TSPAN33: variants seen among roughly 807,000 people sequenced by gnomAD.
TSPAN33 encodes tetraspanin-33.
In TSPAN33, 27 loss-of-function variants were observed where a neutral mutation model predicts 34.8. The observed-to-expected ratio is 0.78, with a 90% CI of 0.57 to 1.07. TSPAN33 has a LOEUF of 1.07. TSPAN33 is among the 50% of genes least tolerant of loss of function. The pLI is 0.00. For synonymous variants in TSPAN33, 119 were observed against 124.2 expected (o/e 0.96, Z 0.28); for missense variants, 272 against 324.9 (o/e 0.84, Z 1.25).
chr7:129,160,545 G>T (rs1410030034), intron 1 of TSPAN33, among the ~76,000 whole-genome samples: 1 of 152,194 alleles, frequency 6.6e-6, no homozygotes, highest in Non-Finnish European at 1.5e-5. Context: ...TCTCCTATTA[G>T]TCTCTGATGG....
At chr7:129,150,730 C>T (rs1304356730) in intron 1 of TSPAN33, among the ~76,000 whole-genome samples, 1 of 152,126 alleles carries the variant, frequency 6.6e-6, no homozygotes, top group African/African-American at 2.4e-5. Context: ...ACAAAAAGTA[C>T]TGCCACTGCT....
rs1259089842 is a variant in TSPAN33, at chr7:129,144,789, T to C, written c.-192T>C. 6.7e-6 allele frequency: 1 copy of C among 148,552 alleles called. No homozygotes were observed. Among genetic ancestry groups the C allele is most frequent in the South Asian group, 2.1e-4 (1 of 4,750 alleles). 9.2% of individuals were successfully genotyped at this position (148,552 alleles called of 1,614,324 possible). ...CGCTGCCCACCGCGGCTCCAGCAGC[T>C]CCAGGCGCGGTTCCCCGGCCCGCGC... On this transcript the variant is annotated 5_prime_UTR_variant, in exon 1 of 8. Coordinates refer to ENST00000486685, the MANE Select transcript of TSPAN33 (RefSeq NM_178562.5).
rs532023746 is a variant in TSPAN33, at chr7:129,148,764, C to G, written c.102+3682C>G. 6.6e-6 allele frequency among the ~76,000 whole-genome samples: 1 copy of G among 152,290 alleles called. No homozygotes were observed. The highest frequency in any genetic ancestry group is 6.5e-5 in the Admixed American group (1 of 15,298). On this transcript the variant is annotated intron_variant, in intron 1 of 7. Transcript: ENST00000486685. The surrounding 1 kb of genome is among the most constrained non-coding windows in gnomAD (Gnocchi z 4.2). ...CACTTCCACTGCCACATATATGCAC[C>G]CTTGTCCAGGTCTTCCCTAGGCTGA... is the stretch of plus-strand genomic sequence containing the variant.
chr7:129,157,331 T>C (rs1810676571), intron 1 of TSPAN33, among the ~76,000 whole-genome samples: 1 of 151,550 alleles, frequency 6.6e-6, no homozygotes, highest in Non-Finnish European at 1.5e-5. Context: ...CAGCACTAAC[T>C]TTGGAATGGC....
At chr7:129,151,445 G>A (rs1432119741) in intron 1 of TSPAN33, among the ~76,000 whole-genome samples, 1 of 152,076 alleles carries the variant, frequency 6.6e-6, no homozygotes, top group Non-Finnish European at 1.5e-5. Context: ...ATGCAATCCA[G>A]TAGAGATGGA....
chr7:129,149,402 G>A (rs1299167325), intron 1 of TSPAN33, among the ~76,000 whole-genome samples: 2 of 152,066 alleles, frequency 1.3e-5, no homozygotes, highest in African/African-American at 4.8e-5. Flanking sequence ...TACTAAAAAT[G>A]CAAAAATTAG....
At chr7:129,161,560 AT>A in intron 1 of TSPAN33, 118 bp from the exon 2 acceptor site, 2 of 889,066 alleles carry the variant, frequency 2.2e-6, no homozygotes, top group Non-Finnish European at 3.7e-6. Flanking sequence ...GAGGTGAAAG[AT>A]GCTCACCTTT....
chr7:129,162,279 C>T (rs940071013), intron 2 of TSPAN33, 115 bp from the exon 3 acceptor site: 8 of 1,502,518 alleles, frequency 5.3e-6, no homozygotes, highest in Non-Finnish European at 7.2e-6. Flanking sequence ...TTCATCCAAC[C>T]ATAATGGAGA....
intron 1 of TSPAN33, among the ~76,000 whole-genome samples, chr7:129,159,544 G>A (rs1262658087): frequency 2.0e-5 from 3 of 152,234 alleles, no homozygotes; most frequent in Non-Finnish European, 4.4e-5. Flanking sequence ...GAGCCTGGAA[G>A]CAACAGAAAT....
In TSPAN33 at chr7:129,156,353, C is replaced by T. The variant is rs529726813; in HGVS notation, c.103-5326C>T. Among the ~76,000 whole-genome samples the T allele has an allele frequency of 7.9e-5, 12 of 152,276 alleles. No homozygotes were observed. The East Asian group carries it at 1.5e-3, about 20-fold the overall frequency. ...TGAAGTAGTGTTTATCAGGTTCCTC[C>T]GCTGTAGAGTTAGCCTTTCTCCCCA... On this transcript the variant is annotated intron_variant, in intron 1 of 7. Coordinates refer to ENST00000486685, the MANE Select transcript of TSPAN33 (RefSeq NM_178562.5).
intron 1 of TSPAN33, among the ~76,000 whole-genome samples, chr7:129,156,472 C>A (rs752886451): frequency 1.8e-4 from 28 of 152,156 alleles, no homozygotes; most frequent in Non-Finnish European, 3.1e-4. Flanking sequence ...GGATGGAGTA[C>A]CTACATGAAT....
At chr7:129,145,415 G>A (rs879745087) in intron 1 of TSPAN33, among the ~76,000 whole-genome samples, 1 of 152,052 alleles carries the variant, frequency 6.6e-6, no homozygotes, top group African/African-American at 2.4e-5. Flanking sequence ...CGGGGGTGGC[G>A]GCTGACTTTC....
intron 1 of TSPAN33, among the ~76,000 whole-genome samples, chr7:129,153,069 AAAAAAAAAAAAAAG>A (rs1370046206): frequency 2.0e-5 from 3 of 150,606 alleles, no homozygotes; most frequent in East Asian, 3.9e-4. Context: ...CAAAAAAAAA[AAAAAAAAAAAAAAG>A]AAAAAGAAAA....
intron 1 of TSPAN33, among the ~76,000 whole-genome samples, chr7:129,147,806 G>A (rs577834990): frequency 3.3e-5 from 5 of 152,184 alleles, no homozygotes; most frequent in African/African-American, 4.8e-5. Flanking sequence ...TGGTGGCTAC[G>A]TCTGCTGTTG....
At chr7:129,154,931 T>G (rs1024584190) in intron 1 of TSPAN33, among the ~76,000 whole-genome samples, 1 of 152,002 alleles carries the variant, frequency 6.6e-6, no homozygotes, top group African/African-American at 2.4e-5. Context: ...GAAAAAGAAA[T>G]GAATATATTG....
intron 1 of TSPAN33, among the ~76,000 whole-genome samples, chr7:129,153,059 C>CAAAAAAAAAAAAAAAA (rs35432172): frequency 1.2e-5 from 1 of 82,488 alleles, no homozygotes; most frequent in African/African-American, 4.8e-5. Context: ...AACTCCGTCT[C>CAAAAAAAAAAAAAAAA]AAAAAAAAAA....
intron 1 of TSPAN33, among the ~76,000 whole-genome samples, chr7:129,152,951 G>A (rs1025472902): frequency 2.0e-5 from 3 of 150,664 alleles, no homozygotes; most frequent in Non-Finnish European, 4.4e-5. Context: ...CCAGCTACTC[G>A]GGAGGCTAAG....
chr7:129,163,235 G>C lies in TSPAN33; in HGVS notation c.363+328G>C, dbSNP rs1251685621. Among the ~76,000 whole-genome samples, 3 of 151,700 alleles carry C rather than the reference G, an allele frequency of 2.0e-5. No homozygotes were observed. In the East Asian group the frequency reaches 5.8e-4, roughly 29 times the overall value. On this transcript the variant is annotated intron_variant, in intron 4 of 7. Transcript: ENST00000486685. ...AAGTGGACCACTGACAATATGAAGA[G>C]CCTCTTATTTCTTTTAAAAATTGTT...
intron 4 of TSPAN33, among the ~76,000 whole-genome samples, chr7:129,163,706 C>G (rs1563138799): frequency 6.6e-6 from 1 of 152,138 alleles, no homozygotes; most frequent in Non-Finnish European, 1.5e-5. Flanking sequence ...TAGCTCATGC[C>G]TGTAATCCCA....
Sources: allele counts gnomAD v4.1 joint callset (sites outside exome capture counted in the v4.1 genomes callset), GRCh38; gene constraint gnomAD v4.1.1; non-coding constraint Gnocchi (gnomAD v3.1); transcripts MANE v1.5; gene names NCBI Gene and HGNC (gene_info 2026-07-23, HGNC 2026-07-21).